The following PPID variants were observed in gnomAD, a reference collection of about 807,000 sequenced individuals.
The protein encoded by PPID is peptidylprolyl isomerase D.
PPID carries 47 observed loss-of-function variants against 48.1 expected under a neutral mutation model. The observed-to-expected ratio is 0.98, with a 90% CI of 0.77 to 1.25. PPID has a LOEUF of 1.25. Ranked by LOEUF, PPID falls within the 50% of genes most tolerant of loss-of-function variation. The probability of loss-of-function intolerance (pLI) is 0.00; values close to 1 mark genes in which losing one functional copy is unlikely to be tolerated. For synonymous variants in PPID, 163 were observed against 148.8 expected (o/e 1.10, Z -0.69); for missense variants, 429 against 443.5 (o/e 0.97, Z 0.29).
chr4:158,716,437 C>G (rs2126333764), intron 4 of PPID, among the ~76,000 whole-genome samples: 1 of 152,084 alleles, frequency 6.6e-6, no homozygotes, highest in South Asian at 2.1e-4. Flanking sequence ...TACATACCAA[C>G]TGAACAGTTT....
At chr4:158,711,989 T>C (rs1335628773) in intron 7 of PPID, among the ~76,000 whole-genome samples, 3 of 152,148 alleles carry the variant, frequency 2.0e-5, no homozygotes, top group Non-Finnish European at 4.4e-5. Context: ...CCATCTTTTC[T>C]TTTGATAAGT....
chr4:158,713,179 A>G lies in PPID; in HGVS notation c.834T>C (p.Asn278=). 1 of 1,614,008 alleles carries G rather than the reference A, an allele frequency of 6.2e-7. No individual in the cohort carries two copies. The highest frequency in any genetic ancestry group is 1.1e-5 in the South Asian group (1 of 91,078). Residue 278 remains asparagine (N), a synonymous_variant, in exon 7 of 10, where the codon AAT becomes AAC. Transcript: ENST00000307720. ...ACATCTTCAGTTTACAAGCACCAAT[A>G]TTCAGTACACAGCTTAAAGCTATAG... ...LQPIALSCVL[N]IGACKLKMSN...
chr4:158,709,946 T>C (rs1774755520), intron 9 of PPID, 122 bp from the exon 10 acceptor site: 2 of 686,308 alleles, frequency 2.9e-6, no homozygotes, highest in South Asian at 1.9e-5. Flanking sequence ...AACTAAGCCC[T>C]AGTAACAGAA....
At chr4:158,710,316 A>T (rs1383614122) in intron 9 of PPID, 1 of 455,390 alleles carries the variant, frequency 2.2e-6, no homozygotes, top group Non-Finnish European at 3.9e-6. Flanking sequence ...TAACCAGAAT[A>T]GGAACACAGT....
In PPID at chr4:158,716,787, G is replaced by A. The variant is rs374469427; in HGVS notation, c.522+225C>T. ...AGCCTGGCCAACATGGTGAAACCCCGTCTCTATTAAAAATACAGAAAAAAT... is the reference window on the plus strand; with the variant it reads ...AGCCTGGCCAACATGGTGAAACCCCATCTCTATTAAAAATACAGAAAAAAT... On this transcript the variant is annotated intron_variant, in intron 4 of 9. Transcript: ENST00000307720. Among the ~76,000 whole-genome samples the A allele has an allele frequency of 1.6e-4, 25 of 152,104 alleles. 1 individual carries two copies. Among genetic ancestry groups the A allele is most frequent in the Admixed American group, 7.9e-4 (12 of 15,276 alleles).
At chr4:158,715,470 T>C in intron 5 of PPID, 67 bp from the exon 6 acceptor site, 2 of 1,539,836 alleles carry the variant, frequency 1.3e-6, no homozygotes, top group Non-Finnish European at 1.8e-6. Flanking sequence ...GATTCTATCA[T>C]ATGAGAGACT....
intron 3 of PPID, 123 bp downstream of exon 3, chr4:158,719,057 C>A: frequency 1.6e-6 from 1 of 607,084 alleles, no homozygotes; most frequent in Non-Finnish European, 2.8e-6. Context: ...AAAAGTGATT[C>A]CTATTACAAG....
intron 3 of PPID, among the ~76,000 whole-genome samples, chr4:158,718,359 G>C (rs569634407): frequency 5.7e-4 from 86 of 152,170 alleles, no homozygotes; most frequent in Non-Finnish European, 8.2e-4. Flanking sequence ...AATTCAGACT[G>C]CATAAATCAC....
In PPID at chr4:158,719,147, T is replaced by C. The variant is rs368130972; in HGVS notation, c.333+33A>G. 5.8e-6 allele frequency: 8 copies of C among 1,387,722 alleles called. No individual in the cohort carries two copies. In the African/African-American group the frequency reaches 7.1e-5, roughly 12 times the overall value. 86.0% of individuals were successfully genotyped at this position (1,387,722 alleles called of 1,614,324 possible). A position where few individuals can be genotyped will look rare whatever the true frequency, so the allele number is the denominator to read the frequency against. ...TATTCCAGATATATAACAATCTTTT[T>C]ATCAGCAATAACATGCATTTTCTCT... On this transcript the variant is annotated intron_variant, in intron 3 of 9. Transcript: ENST00000307720.
intron 2 of PPID, among the ~76,000 whole-genome samples, chr4:158,720,375 T>A (rs1774937513): frequency 6.6e-6 from 1 of 152,218 alleles, no homozygotes; most frequent in African/African-American, 2.4e-5. Flanking sequence ...AAAAGTTAAT[T>A]TTTTCTTAAT....
intron 2 of PPID, among the ~76,000 whole-genome samples, chr4:158,720,599 T>G (rs1774941096): frequency 6.6e-6 from 1 of 152,244 alleles, no homozygotes; most frequent in East Asian, 1.9e-4. Flanking sequence ...ATAAGCAGTA[T>G]GAAATGGCAT....
Position 158,717,199 on chromosome 4 carries a change from T to C in PPID, c.335A>G (p.His112Arg), listed in dbSNP as rs772525566. 6.2e-7 allele frequency: 1 copy of C among 1,600,242 alleles called. No individual in the cohort carries two copies. Among genetic ancestry groups the C allele is most frequent in the East Asian group, 2.2e-5 (1 of 44,792 alleles). ...CATGCTCAGTAAACCCTCCCGATCA[T>C]GCTGTAGAAATAAAAATTAAAAGAA... ...KFEDENFHYK[H>R]DREGLLSMAN... Residue 112 changes from histidine (H) to arginine (R), a missense_variant and splice_region_variant, in exon 4 of 10, where the codon CAT becomes CGT. Physicochemically the swap from His to Arg is conservative, Grantham distance 29. Transcript: ENST00000307720.
intron 5 of PPID, 54 bp from the exon 6 acceptor site, chr4:158,715,457 C>T: frequency 6.6e-7 from 1 of 1,513,924 alleles, no homozygotes; most frequent in South Asian, 1.2e-5. Context: ...TGGTTTAATG[C>T]TAGATTCTAT....
chr4:158,717,112 T>C lies in PPID; in HGVS notation c.422A>G (p.His141Arg). 2 of 1,614,016 alleles carry C rather than the reference T, an allele frequency of 1.2e-6. No individual in the cohort carries two copies. Among genetic ancestry groups the C allele is most frequent in the Non-Finnish European group, 1.7e-6 (2 of 1,179,852 alleles). ...QFFITTVPTP[H>R]LDGKHVVFGQ... Reference sequence around the variant, plus strand: ...AAACACCACATGTTTCCCATCCAAATGAGGAGTTGGAACTGTTGTGATAAA... The same window carrying C: ...AAACACCACATGTTTCCCATCCAAACGAGGAGTTGGAACTGTTGTGATAAA... The change falls in exon 4 of 10, where the codon CAT becomes CGT. Residue 141 changes from histidine (H) to arginine (R), a missense_variant. Coordinates refer to ENST00000307720, the MANE Select transcript of PPID (RefSeq NM_005038.3).
chr4:158,716,087 CT>C (rs17843926), intron 4 of PPID, among the ~76,000 whole-genome samples: 3,842 of 151,728 alleles, frequency 0.025, 188 homozygotes, highest in Admixed American at 0.13. Context: ...AGGGGTTTTT[CT>C]TTTTTTCTTT....
intron 3 of PPID, among the ~76,000 whole-genome samples, chr4:158,717,542 G>A (rs1246983892): frequency 6.6e-6 from 1 of 152,132 alleles, no homozygotes; most frequent in Non-Finnish European, 1.5e-5. Flanking sequence ...AAATGAAGAT[G>A]CAGCATTATG....
intron 3 of PPID, among the ~76,000 whole-genome samples, chr4:158,718,885 A>G (rs970690396): frequency 1.3e-5 from 2 of 152,084 alleles, no homozygotes; most frequent in African/African-American, 4.8e-5. Context: ...CATCCTTCCA[A>G]CAATGGAAAC....
At position 158,713,225 on chromosome 4, in the gene PPID, G is replaced by A; in HGVS notation, c.788C>T (p.Ala263Val). ...TATAGGTTGCAGCTTGGCTCTATCT[G>A]CTGTCTCAATAACAGCCTTTGAACT... ...VDSSKAVIET[A>V]DRAKLQPIAL... The change falls in exon 7 of 10, where the codon GCA (alanine) becomes GTA (valine). Residue 263 changes from alanine to valine, a missense_variant. Physicochemically the swap from Ala to Val is moderately conservative, Grantham distance 64. Transcript: ENST00000307720. The A allele has an allele frequency of 6.2e-7, 1 of 1,613,694 alleles. No individual in the cohort carries two copies. Among genetic ancestry groups the A allele is most frequent in the Non-Finnish European group, 8.5e-7 (1 of 1,179,852 alleles).
At chr4:158,721,545 A>C in intron 1 of PPID, 62 bp from the exon 2 acceptor site, 2 of 1,552,860 alleles carry the variant, frequency 1.3e-6, no homozygotes, top group South Asian at 2.3e-5. Flanking sequence ...GATAAAAAGA[A>C]GGTTGGTATA....
Sources: gnomAD v4.1 joint callset for allele counts (sites outside exome capture counted in the v4.1 genomes callset) on GRCh38, gnomAD v4.1.1 for gene constraint, MANE v1.5 for transcripts, NCBI Gene and HGNC (gene_info 2026-07-23, HGNC 2026-07-21) for gene names.